Variants in RPE65 observed in about 807,000 individuals in gnomAD.
RPE65 encodes the protein retinoid isomerohydrolase RPE65.
Under a neutral mutation model 68.5 loss-of-function variants are expected in RPE65, and 58 were observed. That is an observed-to-expected ratio of 0.85 (90% CI 0.69 to 1.05). The LOEUF (loss-of-function observed/expected upper bound fraction) is 1.05, where lower values mean the gene tolerates loss of function less well. Among genes scored for constraint, RPE65 ranks in the 50% least tolerant of loss-of-function variants. RPE65 has a pLI of 0.00. For missense variants in RPE65, 643 were observed against 629.9 expected (o/e 1.02, Z -0.22); for synonymous variants, 220 against 222.2 (o/e 0.99, Z 0.09).
At chr1:68,440,755 C>T in intron 6 of RPE65, 98 bp downstream of exon 6, 1 of 1,500,370 alleles carries the variant, frequency 6.7e-7, no homozygotes, top group South Asian at 1.2e-5. Context: ...TAACTATGCA[C>T]AAAATGCTAT....
chr1:68,438,290 T>C lies in RPE65; in HGVS notation c.1025A>G (p.Tyr342Cys). 3.7e-6 allele frequency: 6 copies of C among 1,613,604 alleles called. No individual in the cohort carries two copies. The highest frequency in any genetic ancestry group is 4.2e-6 in the Non-Finnish European group (5 of 1,179,830). The change falls in exon 10 of 14, where the codon TAT (tyrosine) becomes TGT (cysteine). Residue 342 changes from tyrosine to cysteine, a missense_variant. By Grantham distance (194) the Tyr-to-Cys change is radical. Transcript: ENST00000262340. ...KGFEFVYNYL[Y>C]LANLRENWEE... ...CCAGTTCTCACGTAAATTGGCTAAA[T>C]ATAAGTAATTATAAACAAACTCAAA...
chr1:68,439,054 T>C lies in RPE65; in HGVS notation c.886A>G (p.Arg296Gly). ...GVWLHIADKK[R>G]KKYLNNKYRT... ...TATTTATTATTGAGGTACTTTTTCCTTTTTTTGTCAGCAATATGAAGCCAA... is the reference window on the plus strand; with the variant it reads ...TATTTATTATTGAGGTACTTTTTCCCTTTTTTGTCAGCAATATGAAGCCAA... The change falls in exon 9 of 14, where the codon AGG becomes GGG. Residue 296 changes from arginine to glycine, a missense_variant. By Grantham distance (125) the Arg-to-Gly change is moderately radical. Transcript: ENST00000262340. 3.1e-6 allele frequency: 5 copies of C among 1,613,888 alleles called. No homozygotes were observed. Among genetic ancestry groups the C allele is most frequent in the Non-Finnish European group, 4.2e-6 (5 of 1,179,840 alleles).
In RPE65 at chr1:68,444,869, T is replaced by A. The variant is rs1645931040; in HGVS notation, c.260A>T (p.Asp87Val). ...VTYHRRFIRT[D>V]AYVRAMTEKR... ...CTCAGTCATTGCCCGTACGTAAGCATCAGTGCGGATGAACCTGAAGGACAT... is the reference window on the plus strand; with the variant it reads ...CTCAGTCATTGCCCGTACGTAAGCAACAGTGCGGATGAACCTGAAGGACAT... The change falls in exon 4 of 14, where the codon GAT becomes GTT. Residue 87 changes from aspartate (D) to valine (V), a missense_variant. Transcript: ENST00000262340. The A allele has an allele frequency of 6.2e-7, 1 of 1,613,948 alleles. No homozygotes were observed. The highest frequency in any genetic ancestry group is 1.1e-5 in the South Asian group (1 of 91,090).
intron 7 of RPE65, 116 bp downstream of exon 7, chr1:68,439,445 G>T: frequency 6.4e-7 from 1 of 1,550,842 alleles, no homozygotes; most frequent in Non-Finnish European, 8.9e-7. Context: ...AATTAATTAT[G>T]TTTAAATTTA....
At chr1:68,445,812 C>T (rs1438001125) in intron 3 of RPE65, among the ~76,000 whole-genome samples, 2 of 151,940 alleles carry the variant, frequency 1.3e-5, no homozygotes, top group Non-Finnish European at 2.9e-5. Flanking sequence ...CACCCACACC[C>T]GGTCGCACTT....
chr1:68,438,163 G>T, intron 10 of RPE65, 24 bp downstream of exon 10: 1 of 1,613,410 alleles, frequency 6.2e-7, no homozygotes, highest in South Asian at 1.1e-5. Context: ...GGTTAAATCT[G>T]AAATCTACAG....
In RPE65 at chr1:68,429,659, G is replaced by C. The variant is rs543498979; in HGVS notation, c.*117C>G. ...TCTGTAAAACATTGCAAAATTGTGC[G>C]CATCTGCAAGTTAAAACCATGACAT... is the stretch of plus-strand genomic sequence containing the variant. On this transcript the variant is annotated 3_prime_UTR_variant, in exon 14 of 14. Transcript: ENST00000262340. 11 of 1,224,972 alleles carry C rather than the reference G, an allele frequency of 9.0e-6. No homozygotes were observed. Among genetic ancestry groups the C allele is most frequent in the South Asian group, 1.3e-5 (1 of 78,334 alleles). 75.9% of individuals were successfully genotyped at this position (1,224,972 alleles called of 1,614,324 possible).
In RPE65 at chr1:68,431,272, G is replaced by T; in HGVS notation, c.1338+10C>A. On this transcript the variant is annotated intron_variant, in intron 12 of 13. Coordinates refer to ENST00000262340, the MANE Select transcript of RPE65 (RefSeq NM_000329.3). ...GCACTGTTCAAATATTAGTAAGAAG[G>T]ATTAATTACCCTATCTGGAACAAAG... The T allele has an allele frequency of 3.1e-6, 5 of 1,612,632 alleles. No homozygotes were observed. Among genetic ancestry groups the T allele is most frequent in the Non-Finnish European group, 4.2e-6 (5 of 1,178,828 alleles).
At chr1:68,437,220 T>G (rs1406459252) in intron 10 of RPE65, among the ~76,000 whole-genome samples, 1 of 152,162 alleles carries the variant, frequency 6.6e-6, no homozygotes, top group Non-Finnish European at 1.5e-5. Flanking sequence ...CAACCTATCT[T>G]TCCAGTCTCT....
intron 10 of RPE65, among the ~76,000 whole-genome samples, chr1:68,432,956 A>G (rs1336307966): frequency 6.6e-6 from 1 of 152,192 alleles, no homozygotes; most frequent in East Asian, 1.9e-4. Flanking sequence ...AAGAGGCATG[A>G]AAGTAAGAGA....
chr1:68,439,774 C>T (rs1398929173), intron 6 of RPE65, 132 bp from the exon 7 acceptor site: 11 of 728,894 alleles, frequency 1.5e-5, no homozygotes, highest in Non-Finnish European at 2.6e-5. Context: ...TCATTTTCTC[C>T]ATCATTTGCA....
At chr1:68,433,388 T>G (rs897578754) in intron 10 of RPE65, among the ~76,000 whole-genome samples, 7 of 151,526 alleles carry the variant, frequency 4.6e-5, no homozygotes, top group Non-Finnish European at 1.0e-4. Context: ...ATTGGGAGAG[T>G]GATTTCCCTG....
rs775139279 is a variant in RPE65, at chr1:68,438,284, G to A, written c.1031C>T (p.Ala344Val). Reference sequence around the variant, plus strand: ...CTCTTCCCAGTTCTCACGTAAATTGGCTAAATATAAGTAATTATAAACAAA... The same window carrying A: ...CTCTTCCCAGTTCTCACGTAAATTGACTAAATATAAGTAATTATAAACAAA... Reference protein sequence around the residue: ...FEFVYNYLYLANLRENWEEVK... With the variant: ...FEFVYNYLYLVNLRENWEEVK... Residue 344 changes from alanine (A) to valine (V), a missense_variant, in exon 10 of 14, where the codon GCC becomes GTC. Ala to Val is a moderately conservative substitution (Grantham distance 64). Transcript: ENST00000262340. 4.3e-6 allele frequency: 7 copies of A among 1,613,412 alleles called. No individual in the cohort carries two copies. The highest frequency in any genetic ancestry group is 3.3e-5 in the Admixed American group (2 of 59,970).
At chr1:68,445,142 A>G (rs966335773) in intron 3 of RPE65, among the ~76,000 whole-genome samples, 2 of 152,170 alleles carry the variant, frequency 1.3e-5, no homozygotes, top group African/African-American at 2.4e-5. Flanking sequence ...TGATTGGCAT[A>G]TGTGGCCAAG....
intron 1 of RPE65, 126 bp downstream of exon 1, chr1:68,449,769 A>C (rs1340938019): frequency 6.9e-6 from 8 of 1,153,132 alleles, no homozygotes; most frequent in Non-Finnish European, 1.0e-5. Flanking sequence ...AAATTTCCCC[A>C]CCAAAATTCA....
intron 2 of RPE65, 56 bp from the exon 3 acceptor site, chr1:68,446,916 G>C (rs1377837084): frequency 6.2e-7 from 1 of 1,610,972 alleles, no homozygotes; most frequent in Non-Finnish European, 8.5e-7. Context: ...GGCTAGGCTT[G>C]TCCTTGGTAA....
intron 6 of RPE65, 59 bp downstream of exon 6, chr1:68,440,794 A>G (rs1193946648): frequency 1.4e-5 from 23 of 1,590,760 alleles, no homozygotes; most frequent in Admixed American, 5.0e-5. Flanking sequence ...CTCACAATAC[A>G]GTAACTTTCT....
chr1:68,430,948 A>G, intron 13 of RPE65, 117 bp downstream of exon 13: 1 of 791,942 alleles, frequency 1.3e-6, no homozygotes, highest in South Asian at 1.4e-5. Flanking sequence ...CTCTATTTAT[A>G]GTATTAAGGA....
At chr1:68,445,663 A>G (rs1645937592) in intron 3 of RPE65, among the ~76,000 whole-genome samples, 1 of 151,912 alleles carries the variant, frequency 6.6e-6, no homozygotes, top group Admixed American at 6.6e-5. Context: ...ACAGGCGTGT[A>G]CCACCACGCC....
Sources: allele counts gnomAD v4.1 joint callset (sites outside exome capture counted in the v4.1 genomes callset), GRCh38; gene constraint gnomAD v4.1.1; transcripts MANE v1.5; gene names NCBI Gene and HGNC (gene_info 2026-07-23, HGNC 2026-07-21).